The following ZNF420 variants were observed in gnomAD, a reference collection of about 807,000 sequenced individuals.
ZNF420 encodes the protein ATM and p53-associated KZNF protein.
ZNF420 carries 31 observed loss-of-function variants against 44.7 expected under a neutral mutation model. That is an observed-to-expected ratio of 0.69 (90% confidence interval 0.52 to 0.94). The LOEUF is 0.94. Ranked by LOEUF, ZNF420 falls within the 40% of genes least tolerant of loss-of-function variation. The pLI, the probability that ZNF420 is intolerant of heterozygous loss-of-function variation, is 0.00. For missense variants in ZNF420, 681 were observed against 827.9 expected (o/e 0.82, Z 2.18); for synonymous variants, 245 against 267.4 (o/e 0.92, Z 0.82).
At chr19:37,099,120 G>T (rs1003423191) in intron 4 of ZNF420, among the ~76,000 whole-genome samples, 1 of 152,116 alleles carries the variant, frequency 6.6e-6, no homozygotes, top group East Asian at 1.9e-4. Context: ...TATTGCTATT[G>T]TGGATAGTGC....
chr19:37,032,575 C>T (rs1272405490), intron 1 of ZNF420, among the ~76,000 whole-genome samples: 5 of 151,264 alleles, frequency 3.3e-5, no homozygotes, highest in Admixed American at 2.6e-4. Flanking sequence ...GAGGCCAAGG[C>T]TGGTGGATCA....
chr19:37,120,775 G>T (rs1057154815), intron 4 of ZNF420, among the ~76,000 whole-genome samples: 27 of 152,194 alleles, frequency 1.8e-4, no homozygotes, highest in Non-Finnish European at 2.2e-4. Flanking sequence ...CTACAGCAAA[G>T]TCTCAGGATA....
chr19:37,055,880 G>A (rs1967741426), intron 1 of ZNF420, among the ~76,000 whole-genome samples: 1 of 152,200 alleles, frequency 6.6e-6, no homozygotes, highest in Admixed American at 6.5e-5. Context: ...GTGTTTGGGT[G>A]AGTCTCCCCA....
intron 1 of ZNF420, among the ~76,000 whole-genome samples, chr19:37,043,321 A>T (rs570628467): frequency 6.6e-6 from 1 of 152,330 alleles, no homozygotes; most frequent in South Asian, 2.1e-4. Context: ...AAAGGGACAA[A>T]TCGAGGAAAT....
intron 2 of ZNF420, among the ~76,000 whole-genome samples, chr19:37,086,523 T>A (rs1217737127): frequency 6.6e-6 from 1 of 152,152 alleles, no homozygotes; most frequent in Non-Finnish European, 1.5e-5. Context: ...GGTATGTAAA[T>A]CCTCTATATT....
chr19:37,111,440 A>AT (rs1306499901), intron 4 of ZNF420: 19 of 152,248 alleles, frequency 1.2e-4, no homozygotes, highest in Admixed American at 6.5e-4. Context: ...TCTTATTTCT[A>AT]TTTTTTGTGG....
At chr19:37,072,715 G>A (rs891717724) in intron 1 of ZNF420, among the ~76,000 whole-genome samples, 3 of 152,120 alleles carry the variant, frequency 2.0e-5, no homozygotes, top group African/African-American at 7.2e-5. Flanking sequence ...AACAACAGTA[G>A]AATGGTTAAA....
intron 4 of ZNF420, among the ~76,000 whole-genome samples, chr19:37,122,782 C>A (rs1168821774): frequency 1.3e-5 from 2 of 152,122 alleles, no homozygotes; most frequent in Admixed American, 6.6e-5. Flanking sequence ...CATCCTTCCC[C>A]TTCTGTTTTG....
At chr19:37,013,578 T>C (rs1397576126) in intron 1 of ZNF420, among the ~76,000 whole-genome samples, 1 of 152,110 alleles carries the variant, frequency 6.6e-6, no homozygotes, top group Non-Finnish European at 1.5e-5. Context: ...AGGGGACAGA[T>C]GGAATCTCCG....
At chr19:37,125,970 A>G (rs56210764) in intron 4 of ZNF420, among the ~76,000 whole-genome samples, 33,372 of 152,150 alleles carry the variant, frequency 0.22, 4,664 homozygotes, top group Non-Finnish European at 0.32. Context: ...GACACAGTCC[A>G]AAACACTGTT....
rs1472279204 is a variant in ZNF420 at position 37,127,546 on chromosome 19, T to C, written c.555T>C (p.His185=). 6 of 1,613,916 alleles carry C rather than the reference T, an allele frequency of 3.7e-6. No individual in the cohort carries two copies. Among genetic ancestry groups the C allele is most frequent in the Middle Eastern group, 1.7e-4 (1 of 6,060 alleles). The part of the protein sequence containing the change: ...AFSRDSQLSL[H]QRLHTGEKPY... ...GTCGTGATTCACAACTCAGTCTTCA[T>C]CAGAGACTTCATACTGGTGAGAAAC... The change falls in exon 5 of 5, where the codon CAT becomes CAC. Residue 185 remains histidine (H), a synonymous_variant. Transcript: ENST00000337995.
upstream of ZNF420, among the ~76,000 whole-genome samples, chr19:37,076,294 G>A (rs866903526): frequency 1.3e-5 from 2 of 150,594 alleles, no homozygotes; most frequent in African/African-American, 4.9e-5. Flanking sequence ...ACCAGAATGT[G>A]TCTGTCACCT....
chr19:37,084,607 A>AT (rs1968655087), intron 2 of ZNF420, among the ~76,000 whole-genome samples: 1 of 152,072 alleles, frequency 6.6e-6, no homozygotes, highest in African/African-American at 2.4e-5. Flanking sequence ...GAACAGTATT[A>AT]TATCTGCCTT....
intron 3 of ZNF420, among the ~76,000 whole-genome samples, chr19:37,090,135 A>G (rs1212316937): frequency 6.6e-6 from 1 of 152,188 alleles, no homozygotes; most frequent in East Asian, 1.9e-4. Flanking sequence ...TGTGTATGCT[A>G]CTTCTTTTAA....
chr19:37,081,618 C>G (rs1408162161), intron 2 of ZNF420, among the ~76,000 whole-genome samples: 1 of 151,394 alleles, frequency 6.6e-6, no homozygotes, highest in Non-Finnish European at 1.5e-5. Context: ...CTCCACCTCC[C>G]AGGTTCAAGT....
Position 37,128,328 on chromosome 19 carries a change from C to T in ZNF420, c.1337C>T (p.Pro446Leu). Reference protein sequence around the residue: ...RHQRIHTGEKPYECKECGKTF... With the variant: ...RHQRIHTGEKLYECKECGKTF... ...CAGAGGATTCATACTGGTGAGAAAC[C>T]CTATGAATGTAAAGAATGTGGAAAA... Residue 446 changes from proline (P) to leucine (L), a missense_variant, in exon 5 of 5, where the codon CCC (proline) becomes CTC (leucine). Transcript: ENST00000337995. 1 of 1,613,956 alleles carries T rather than the reference C, an allele frequency of 6.2e-7. No individual in the cohort carries two copies. Among genetic ancestry groups the T allele is most frequent in the Non-Finnish European group, 8.5e-7 (1 of 1,179,958 alleles).
At chr19:37,045,340 G>T (rs1464586597) in intron 1 of ZNF420, among the ~76,000 whole-genome samples, 1 of 152,156 alleles carries the variant, frequency 6.6e-6, no homozygotes, top group Non-Finnish European at 1.5e-5. Flanking sequence ...AAGTCAACAG[G>T]TGTTATTAAA....
intron 1 of ZNF420, among the ~76,000 whole-genome samples, chr19:37,020,005 CA>C (rs1252057094): frequency 1.3e-5 from 2 of 152,014 alleles, no homozygotes; most frequent in East Asian, 3.9e-4. Flanking sequence ...ATCATAAGGT[CA>C]GGAGATCGAG....
At chr19:37,035,346 A>T (rs546170550) in intron 1 of ZNF420, among the ~76,000 whole-genome samples, 1 of 152,184 alleles carries the variant, frequency 6.6e-6, no homozygotes, top group East Asian at 1.9e-4. Context: ...AAATTTTAAT[A>T]TGCTCAAGTT....
Sources: allele counts gnomAD v4.1 joint callset (sites outside exome capture counted in the v4.1 genomes callset), GRCh38; gene constraint gnomAD v4.1.1; transcripts MANE v1.5; gene names NCBI Gene and HGNC (gene_info 2026-07-23, HGNC 2026-07-21).